CSMD1: variants seen among roughly 807,000 people sequenced by gnomAD.
The protein encoded by CSMD1 is CUB and Sushi multiple domains 1, also known as CUB and sushi domain-containing protein 1.
Under a neutral mutation model 417.5 loss-of-function variants are expected in CSMD1, and 213 were observed. That is an observed-to-expected ratio of 0.51 (90% CI 0.46 to 0.57). The LOEUF is 0.57. CSMD1 is among the 20% of genes least tolerant of loss of function. CSMD1 has a pLI of 0.00. For synonymous variants in CSMD1, 2,862 were observed against 1,736.8 expected, an observed-to-expected ratio of 1.65 and a Z score of -16.11; for missense variants, 6,923 against 4,529.7, an observed-to-expected ratio of 1.53 and a Z score of -15.17.
At chr8:4,572,627 G>A (rs2725055) in intron 2 of CSMD1, among the ~76,000 whole-genome samples, 61,565 of 151,878 alleles carry the variant, frequency 0.41, 13,149 homozygotes, top group East Asian at 0.54. Context: ...GTATCTGAGC[G>A]GTGTTCTCTG....
chr8:4,254,739 C>G lies in CSMD1; in HGVS notation c.415+165214G>C, dbSNP rs141770770. Among the ~76,000 whole-genome samples, 568 of 152,216 alleles carry G rather than the reference C, an allele frequency of 3.7e-3. 4 individuals carry two copies. The highest frequency in any genetic ancestry group is 0.013 in the African/African-American group (545 of 41,532). On this transcript the variant is annotated intron_variant, in intron 3 of 69. Transcript: ENST00000635120. The stretch of plus-strand genomic sequence containing the variant: ...TAGGTATGGTTATGTATCTTCAGAT[C>G]TGCAAAGTCTTACCATTGTGTTACA...
In CSMD1 at chr8:3,737,496, C is replaced by T. The variant is rs377308110; in HGVS notation, c.931+16434G>A. Among the ~76,000 whole-genome samples, 43 of 152,254 alleles carry T rather than the reference C, an allele frequency of 2.8e-4. No homozygotes were observed. The South Asian group carries it at 8.3e-3, about 29-fold the overall frequency. On this transcript the variant is annotated intron_variant, in intron 6 of 69. Coordinates refer to ENST00000635120, the MANE Select transcript of CSMD1 (RefSeq NM_033225.6). The stretch of plus-strand genomic sequence containing the variant: ...CATCTTGCTCTCTGTTGAAAAATTT[C>T]TCTGTTGAACATTTTTTACTTACAC...
intron 26 of CSMD1, 43 bp downstream of exon 26, chr8:3,284,101 A>T (rs1262690045): frequency 7.1e-7 from 1 of 1,415,836 alleles, no homozygotes; most frequent in Non-Finnish European, 9.8e-7. Context: ...TCATGACAAG[A>T]CTTTGATATC....
At chr8:4,684,276 C>G (rs1276153679) in intron 1 of CSMD1, among the ~76,000 whole-genome samples, 1 of 152,130 alleles carries the variant, frequency 6.6e-6, no homozygotes, top group Admixed American at 6.6e-5. Flanking sequence ...GATTTTTAAT[C>G]GTGCAAAAAA....
At chr8:4,152,226 C>T (rs903309061) in intron 3 of CSMD1, among the ~76,000 whole-genome samples, 50 of 152,254 alleles carry the variant, frequency 3.3e-4, no homozygotes, top group African/African-American at 1.1e-3. Context: ...ACACTTTCAA[C>T]ATTATTCCCA....
intron 3 of CSMD1, among the ~76,000 whole-genome samples, chr8:4,381,995 G>A (rs1006132826): frequency 6.6e-6 from 1 of 152,112 alleles, no homozygotes; most frequent in Non-Finnish European, 1.5e-5. Context: ...ACCGGACCAA[G>A]ATCCCTGAAA....
chr8:3,997,691 C>T (rs554945688), intron 5 of CSMD1, among the ~76,000 whole-genome samples: 1 of 152,128 alleles, frequency 6.6e-6, no homozygotes, highest in African/African-American at 2.4e-5. Context: ...GATGACTTCC[C>T]GAGCTCCAAA....
intron 20 of CSMD1, among the ~76,000 whole-genome samples, chr8:3,364,513 G>T (rs904695153): frequency 2.0e-5 from 3 of 152,186 alleles, no homozygotes; most frequent in Non-Finnish European, 4.4e-5. Flanking sequence ...TAATGACAGT[G>T]TCAGCTGTGT....
chr8:3,603,943 G>C (rs1801482902), intron 8 of CSMD1, among the ~76,000 whole-genome samples: 2 of 152,186 alleles, frequency 1.3e-5, no homozygotes, highest in Non-Finnish European at 1.5e-5. Flanking sequence ...TTTTTATTGG[G>C]AATAATTATG....
intron 3 of CSMD1, among the ~76,000 whole-genome samples, chr8:4,342,640 T>G (rs977291813): frequency 1.6e-4 from 25 of 152,216 alleles, no homozygotes; most frequent in Non-Finnish European, 3.1e-4. Flanking sequence ...ATTCTTTATT[T>G]ATTTTCATCA....
At chr8:4,260,037 T>A (rs984680461) in intron 3 of CSMD1, among the ~76,000 whole-genome samples, 6 of 142,392 alleles carry the variant, frequency 4.2e-5, no homozygotes, top group Admixed American at 2.1e-4. Context: ...TTTTTTTTTT[T>A]AACACATACT....
intron 5 of CSMD1, among the ~76,000 whole-genome samples, chr8:3,784,930 G>A (rs1225219360): frequency 1.3e-5 from 2 of 152,130 alleles, no homozygotes; most frequent in East Asian, 1.9e-4. Flanking sequence ...CAAGTTTCCT[G>A]TTGAGCTAAA....
At chr8:4,954,715 C>G (rs995394424) in intron 1 of CSMD1, among the ~76,000 whole-genome samples, 11 of 151,966 alleles carry the variant, frequency 7.2e-5, no homozygotes, top group Non-Finnish European at 1.6e-4. Context: ...ACATAAGCAC[C>G]ATGGAAATAT....
At chr8:4,230,377 G>C (rs1308472760) in intron 3 of CSMD1, among the ~76,000 whole-genome samples, 1 of 152,110 alleles carries the variant, frequency 6.6e-6, no homozygotes, top group Admixed American at 6.5e-5. Flanking sequence ...CCTACCTGAG[G>C]TCAGACAACT....
chr8:3,473,399 T>C (rs1284307316), intron 11 of CSMD1, among the ~76,000 whole-genome samples: 1 of 152,210 alleles, frequency 6.6e-6, no homozygotes. Context: ...GCTGATTAAC[T>C]TACAAAAATT....
Position 3,490,793 on chromosome 8 carries a change from G to A in CSMD1, c.1448+2830C>T, listed in dbSNP as rs374844503. Among the ~76,000 whole-genome samples, 18 of 152,080 alleles carry A rather than the reference G, an allele frequency of 1.2e-4. 1 individual carries two copies. The highest frequency in any genetic ancestry group is 7.9e-4 in the Admixed American group (12 of 15,266). ...GTCAAAGGCAGGCAGTGTGTGCGAC[G>A]ATCGCCTTAGAAGCTTGCCCAAAAT... is the stretch of plus-strand genomic sequence containing the variant. On this transcript the variant is annotated intron_variant, in intron 11 of 69. Coordinates refer to ENST00000635120, the MANE Select transcript of CSMD1 (RefSeq NM_033225.6).
chr8:4,316,455 C>T (rs890743009), intron 3 of CSMD1, among the ~76,000 whole-genome samples: 4 of 152,106 alleles, frequency 2.6e-5, no homozygotes, highest in African/African-American at 7.2e-5. Context: ...TGGTTTTCGC[C>T]ATTACTTTCG....
At chr8:3,954,408 G>A (rs901180350) in intron 5 of CSMD1, among the ~76,000 whole-genome samples, 1 of 152,162 alleles carries the variant, frequency 6.6e-6, no homozygotes, top group Non-Finnish European at 1.5e-5. Context: ...TGCTGCCCAG[G>A]CTGGAGTGCA....
intron 2 of CSMD1, among the ~76,000 whole-genome samples, chr8:4,606,528 C>T (rs971145159): frequency 6.6e-6 from 1 of 152,128 alleles, no homozygotes; most frequent in Non-Finnish European, 1.5e-5. Context: ...CAACAGCGGC[C>T]AATGGCAGCA....
Sources: allele counts gnomAD v4.1 joint callset (sites outside exome capture counted in the v4.1 genomes callset), GRCh38; gene constraint gnomAD v4.1.1; transcripts MANE v1.5; gene names NCBI Gene and HGNC (gene_info 2026-07-23, HGNC 2026-07-21).